The following TMIE variants were observed in gnomAD, a reference collection of about 807,000 sequenced individuals.
TMIE encodes transmembrane inner ear expressed protein.
In TMIE, 14 loss-of-function variants were observed where a neutral mutation model predicts 16.8. The observed-to-expected ratio is 0.83, with a 90% CI of 0.55 to 1.30. The LOEUF is 1.30. Ranked by LOEUF, TMIE falls within the 50% of genes most tolerant of loss-of-function variation. The pLI, the probability that TMIE is intolerant of heterozygous loss-of-function variation, is 0.00. For missense variants in TMIE, 204 were observed against 205.9 expected (o/e 0.99, Z 0.06); for synonymous variants, 75 against 87.2 (o/e 0.86, Z 0.78).
At chr3:46,702,433 C>T (rs1440294965) in intron 1 of TMIE, among the ~76,000 whole-genome samples, 2 of 152,084 alleles carry the variant, frequency 1.3e-5, no homozygotes, top group East Asian at 1.9e-4. Context: ...CCCCTTGTAC[C>T]CCACTCCTGC....
rs1700601644 is a variant in TMIE, at chr3:46,710,008, C to T, written c.*320C>T. 9 of 428,928 alleles carry T rather than the reference C, an allele frequency of 2.1e-5. No individual in the cohort carries two copies. The highest frequency in any genetic ancestry group is 1.9e-4 in the South Asian group (9 of 47,478). 26.6% of individuals were successfully genotyped at this position (428,928 alleles called of 1,614,324 possible). On this transcript the variant is annotated 3_prime_UTR_variant, in exon 4 of 4. Coordinates refer to ENST00000643606, the MANE Select transcript of TMIE (RefSeq NM_147196.3). ...ACCTGCCTGTCTCCCACCCTTTCTG[C>T]CAGGGATGGCAGTGGCTGTGAAGGA...
At chr3:46,701,041 CA>C (rs1003332379), upstream of TMIE, among the ~76,000 whole-genome samples, 12 of 151,678 alleles carry the variant, frequency 7.9e-5, no homozygotes, top group South Asian at 1.2e-3. This position sits in a 1 kb window ranked among gnomAD's most constrained non-coding sequence, Gnocchi z 4.3. Context: ...GCCCCCCCCC[CA>C]AACTCAAATC....
At chr3:46,703,182 A>C (rs953409709) in intron 1 of TMIE, among the ~76,000 whole-genome samples, 4 of 152,114 alleles carry the variant, frequency 2.6e-5, no homozygotes, top group Admixed American at 2.6e-4. Context: ...ATCACCCTCC[A>C]TCAGCCCGTG....
intron 1 of TMIE, among the ~76,000 whole-genome samples, chr3:46,694,936 G>A (rs1700370243): frequency 6.6e-6 from 1 of 152,126 alleles, no homozygotes; most frequent in Admixed American, 6.5e-5. Context: ...TGCCTGAGGG[G>A]CTCCACTCCC....
In TMIE at chr3:46,710,186, C is replaced by T. The variant is rs1396631166; in HGVS notation, c.*498C>T. 1.3e-5 allele frequency: 3 copies of T among 235,124 alleles called. No homozygotes were observed. The highest frequency in any genetic ancestry group is 2.2e-5 in the African/African-American group (1 of 45,172). 14.6% of individuals were successfully genotyped at this position (235,124 alleles called of 1,614,324 possible). A position where few individuals can be genotyped will look rare whatever the true frequency, so the allele number is the denominator to read the frequency against. ...GGCAGCAGGAGGGACTCTGTCTGGC[C>T]AGGGAGGAGCCCCAGTGGTGAGAAG... is the stretch of plus-strand genomic sequence containing the variant. On this transcript the variant is annotated 3_prime_UTR_variant, in exon 4 of 4. Coordinates refer to ENST00000643606, the MANE Select transcript of TMIE (RefSeq NM_147196.3).
At position 46,701,575 on chromosome 3, in the gene TMIE, G is replaced by T; in HGVS notation, c.88G>T (p.Val30Leu). 7.8e-7 allele frequency: 1 copy of T among 1,285,510 alleles called. No homozygotes were observed. The allele number at this position is 1,285,510 out of a possible 1,614,324, so 79.6% of individuals were successfully genotyped here. Reference sequence around the variant, plus strand: ...CCTCGCGGGGGTTGCCGGGCAGCTGGTGGAGGTGAGGCCGCGGCACGGAGG... The same window carrying T: ...CCTCGCGGGGGTTGCCGGGCAGCTGTTGGAGGTGAGGCCGCGGCACGGAGG... ...VCLAGVAGQL[V>L]EPSTAPPKPK... Residue 30 changes from valine to leucine, a missense_variant, in exon 1 of 4, where the codon GTG becomes TTG. By Grantham distance (32) the Val-to-Leu change is conservative. Coordinates refer to ENST00000643606, the MANE Select transcript of TMIE (RefSeq NM_147196.3). The surrounding 1 kb of genome is among the most constrained non-coding windows in gnomAD (Gnocchi z 4.3).
At position 46,701,612 on chromosome 3, in the gene TMIE, C is replaced by CT. The variant is rs1239395919; in HGVS notation, c.93+33dup. On this transcript the variant is annotated intron_variant, in intron 1 of 3. Transcript: ENST00000643606. This position sits in a 1 kb window ranked among gnomAD's most constrained non-coding sequence, Gnocchi z 4.3. Reference sequence around the variant, plus strand: ...CCGCGGCACGGAGGGACTGGGGAGGCTGTCACCCTCCAGGCAGGGGGCTGG... The same window carrying CT: ...CCGCGGCACGGAGGGACTGGGGAGGCTTGTCACCCTCCAGGCAGGGGGCTGG... 7.9e-7 allele frequency: 1 copy of CT among 1,268,504 alleles called. No homozygotes were observed. Among genetic ancestry groups the CT allele is most frequent in the African/African-American group, 1.6e-5 (1 of 64,440 alleles). 78.6% of individuals were successfully genotyped at this position (1,268,504 alleles called of 1,614,324 possible).
chr3:46,700,313 C>T (rs1027033551), upstream of TMIE, among the ~76,000 whole-genome samples: 7 of 152,340 alleles, frequency 4.6e-5, no homozygotes, highest in African/African-American at 9.6e-5. Context: ...GGTGGCCCTC[C>T]GCTCCCTGCT....
chr3:46,700,016 C>T (rs187653426), upstream of TMIE, among the ~76,000 whole-genome samples: 1 of 152,376 alleles, frequency 6.6e-6, no homozygotes, highest in African/African-American at 2.4e-5. Flanking sequence ...GGTGACCTCC[C>T]TGACTGGTCA....
chr3:46,705,167 G>A (rs973557906), intron 1 of TMIE, among the ~76,000 whole-genome samples: 7 of 152,194 alleles, frequency 4.6e-5, no homozygotes, highest in East Asian at 1.9e-4. Context: ...TGCTACAGCC[G>A]CACTTCTGCC....
rs1175990431 is a variant in TMIE at position 46,709,967 on chromosome 3, T to C, written c.*279T>C. ...TGCCACCGTCCCTCTGCAGATACAC[T>C]GCTCTCCCCACCCAGACCTGCCTGT... On this transcript the variant is annotated 3_prime_UTR_variant, in exon 4 of 4. Coordinates refer to ENST00000643606, the MANE Select transcript of TMIE (RefSeq NM_147196.3). The C allele has an allele frequency of 2.0e-6, 1 of 503,632 alleles. No homozygotes were observed. Among genetic ancestry groups the C allele is most frequent in the Non-Finnish European group, 3.5e-6 (1 of 283,762 alleles). 31.2% of individuals were successfully genotyped at this position (503,632 alleles called of 1,614,324 possible). A position where few individuals can be genotyped will look rare whatever the true frequency, so the allele number is the denominator to read the frequency against.
At chr3:46,707,312 G>T (rs899927047) in intron 2 of TMIE, among the ~76,000 whole-genome samples, 1 of 152,206 alleles carries the variant, frequency 6.6e-6, no homozygotes, top group Non-Finnish European at 1.5e-5. Flanking sequence ...TGAGAAAATT[G>T]CAGTGTCAGA....
intron 3 of TMIE, 78 bp from the exon 4 acceptor site, chr3:46,709,501 G>A (rs1362121734): frequency 6.8e-6 from 11 of 1,613,328 alleles, no homozygotes; most frequent in Non-Finnish European, 9.3e-6. Context: ...GAGGTTCTGG[G>A]GCTCTTCCCC....
intron 1 of TMIE, among the ~76,000 whole-genome samples, chr3:46,703,965 G>A (rs558584661): frequency 2.8e-4 from 42 of 152,262 alleles, no homozygotes; most frequent in African/African-American, 9.9e-4. Context: ...CTCCCTCAGA[G>A]GACAGACCCC....
chr3:46,710,117 A>T lies in TMIE; in HGVS notation c.*429A>T. ...TGGGTCAGGGTGTGAGGCCACACCC[A>T]GAGTAGCCATGAGGAGGCAGAGAGG... On this transcript the variant is annotated 3_prime_UTR_variant, in exon 4 of 4. Transcript: ENST00000643606. The T allele has an allele frequency of 3.5e-6, 1 of 286,140 alleles. No homozygotes were observed. Among genetic ancestry groups the T allele is most frequent in the Non-Finnish European group, 6.9e-6 (1 of 145,362 alleles). 17.7% of individuals were successfully genotyped at this position (286,140 alleles called of 1,614,324 possible).
chr3:46,701,839 C>T lies in TMIE; in HGVS notation c.93+259C>T, dbSNP rs569830409. ...ACATTAGTCTGACGGGGGAGACTCACCTTGACCTTAGGGATTCCCAGCCTG... is the reference window on the plus strand; with the variant it reads ...ACATTAGTCTGACGGGGGAGACTCATCTTGACCTTAGGGATTCCCAGCCTG... On this transcript the variant is annotated intron_variant, in intron 1 of 3. Transcript: ENST00000643606. This position sits in a 1 kb window ranked among gnomAD's most constrained non-coding sequence, Gnocchi z 4.3. 4.6e-5 allele frequency among the ~76,000 whole-genome samples: 7 copies of T among 152,206 alleles called. No homozygotes were observed. The highest frequency in any genetic ancestry group is 1.4e-4 in the African/African-American group (6 of 41,532).
intron 2 of TMIE, among the ~76,000 whole-genome samples, chr3:46,706,980 C>T (rs527889989): frequency 5.5e-4 from 84 of 152,344 alleles, no homozygotes; most frequent in African/African-American, 1.9e-3. Context: ...CTGATTTGCA[C>T]GTGCTTCTCC....
At chr3:46,698,479 G>A (rs1002696767), upstream of TMIE, among the ~76,000 whole-genome samples, 7 of 151,900 alleles carry the variant, frequency 4.6e-5, no homozygotes, top group East Asian at 1.9e-4. Context: ...TAGAGATGGC[G>A]TCTTGCTATG....
chr3:46,703,705 G>A (rs1700506410), intron 1 of TMIE, among the ~76,000 whole-genome samples: 1 of 152,190 alleles, frequency 6.6e-6, no homozygotes, highest in Admixed American at 6.5e-5. Flanking sequence ...GATCCTCTGG[G>A]TTACCTGGGA....
Sources: allele counts gnomAD v4.1 joint callset (sites outside exome capture counted in the v4.1 genomes callset), GRCh38; gene constraint gnomAD v4.1.1; non-coding constraint Gnocchi (gnomAD v3.1); transcripts MANE v1.5; gene names NCBI Gene and HGNC (gene_info 2026-07-23, HGNC 2026-07-21).